The following MYO10 variants were observed in gnomAD, a reference collection of about 807,000 sequenced individuals.
MYO10 encodes myosin X.
In MYO10, 133 loss-of-function variants were observed where a neutral mutation model predicts 257.3. The ratio of observed to expected loss-of-function variants is 0.52; its 90% CI spans 0.45 to 0.60. The LOEUF is 0.60. Among genes scored for constraint, MYO10 ranks in the 20% least tolerant of loss-of-function variants. The pLI, the probability that MYO10 is intolerant of heterozygous loss-of-function variation, is 0.00. For missense variants in MYO10, 2,399 were observed against 2,635.7 expected (o/e 0.91, Z 1.97); for synonymous variants, 1,104 against 1,028.6 (o/e 1.07, Z -1.40).
chr5:16,664,417 C>CAAAG lies in MYO10; in HGVS notation c.*2271_*2274dup, dbSNP rs781395315. On this transcript the variant is annotated 3_prime_UTR_variant, in exon 41 of 41. Coordinates refer to ENST00000513610, the MANE Select transcript of MYO10 (RefSeq NM_012334.3). ...ATTCTTTCTGAGCCTAAAATAAAAACAAAGACAACACACATCCAAGTCTTT... is the reference window on the plus strand; with the variant it reads ...ATTCTTTCTGAGCCTAAAATAAAAACAAAGAAAGACAACACACATCCAAGTCTTT... 1 of 152,178 alleles carries CAAAG rather than the reference C, an allele frequency of 6.6e-6. No homozygotes were observed. Among genetic ancestry groups the CAAAG allele is most frequent in the East Asian group, 1.9e-4 (1 of 5,192 alleles). The allele number at this position is 152,178 out of a possible 1,614,324, so 9.4% of individuals were successfully genotyped here. A position where few individuals can be genotyped will look rare whatever the true frequency, so the allele number is the denominator to read the frequency against.
intron 1 of MYO10, among the ~76,000 whole-genome samples, chr5:16,893,757 C>A (rs527828813): frequency 0.035 from 5,362 of 151,576 alleles, 140 homozygotes; most frequent in African/African-American, 0.067. Flanking sequence ...CTGCTAAAAA[C>A]ATAAATAAAT....
chr5:16,880,819 A>G (rs1262202842), intron 1 of MYO10, among the ~76,000 whole-genome samples: 2 of 152,234 alleles, frequency 1.3e-5, no homozygotes, highest in Non-Finnish European at 2.9e-5. Context: ...CACTGACTTC[A>G]GGCATCTGCT....
chr5:16,715,356 AGACTACAG>A (rs1280437993), intron 19 of MYO10, among the ~76,000 whole-genome samples: 3 of 150,840 alleles, frequency 2.0e-5, no homozygotes, highest in Admixed American at 6.6e-5. Context: ...AGTCAACGAC[AGACTACAG>A]ATATGGCGAT....
At chr5:16,714,936 A>G (rs996130032) in intron 19 of MYO10, among the ~76,000 whole-genome samples, 2 of 152,220 alleles carry the variant, frequency 1.3e-5, no homozygotes, top group Non-Finnish European at 2.9e-5. Flanking sequence ...GCCAATGATA[A>G]TTTAGTTGCA....
intron 29 of MYO10, 54 bp from the exon 30 acceptor site, chr5:16,683,989 C>T: frequency 6.5e-7 from 1 of 1,529,010 alleles, no homozygotes; most frequent in Non-Finnish European, 9.0e-7. Context: ...GTAGGGTGCA[C>T]ACTACAGTAA....
chr5:16,759,740 A>G (rs1740643673), intron 17 of MYO10, among the ~76,000 whole-genome samples: 1 of 152,234 alleles, frequency 6.6e-6, no homozygotes, highest in African/African-American at 2.4e-5. Context: ...GTATCGCATT[A>G]AACTAAGAAA....
intron 19 of MYO10, chr5:16,741,922 T>C: frequency 1.0e-6 from 1 of 985,394 alleles, no homozygotes; most frequent in Non-Finnish European, 1.2e-6. Flanking sequence ...GGCTGGCTGG[T>C]GTTCCCAGCC....
intron 19 of MYO10, among the ~76,000 whole-genome samples, chr5:16,715,955 T>C (rs1002767411): frequency 4.0e-5 from 6 of 151,642 alleles, no homozygotes; most frequent in South Asian, 2.1e-4. Context: ...ACTTGGGAAG[T>C]TGAGGCAGGA....
intron 3 of MYO10, among the ~76,000 whole-genome samples, chr5:16,797,977 A>G (rs773570690): frequency 2.0e-5 from 3 of 152,276 alleles, no homozygotes; most frequent in Non-Finnish European, 4.4e-5. Flanking sequence ...CTCTGCTCTC[A>G]TAATGGATTA....
At chr5:16,923,478 G>A (rs1580155760) in intron 1 of MYO10, among the ~76,000 whole-genome samples, 2 of 151,640 alleles carry the variant, frequency 1.3e-5, no homozygotes, top group South Asian at 4.2e-4. Context: ...TAGTAGAGAT[G>A]GGGTTTCACT....
chr5:16,671,670 A>C (rs1736470823), intron 37 of MYO10, 128 bp from the exon 38 acceptor site: 1 of 1,179,356 alleles, frequency 8.5e-7, no homozygotes, highest in African/African-American at 1.5e-5. Context: ...AAAACAGTGG[A>C]TAGAGATGGG....
At chr5:16,848,155 C>CTTTTTTTTTTTTTTTTCCTTT (rs1554002457) in intron 2 of MYO10, among the ~76,000 whole-genome samples, 1 of 113,596 alleles carries the variant, frequency 8.8e-6, no homozygotes, top group Non-Finnish European at 1.7e-5. Context: ...CTACACATTT[C>CTTTTTTTTTTTTTTTTCCTTT]TTTTTTTTTT....
chr5:16,795,950 G>T (rs1741925736), intron 3 of MYO10, among the ~76,000 whole-genome samples: 1 of 151,996 alleles, frequency 6.6e-6, no homozygotes, highest in African/African-American at 2.4e-5. Context: ...AGCATTTTGG[G>T]GGGCCGAGGT....
In MYO10 at chr5:16,671,695, CAG is replaced by C. The variant is rs555577903; in HGVS notation, c.5310-155_5310-154del. Among the ~76,000 whole-genome samples, 25 of 152,244 alleles carry C rather than the reference CAG, an allele frequency of 1.6e-4. 1 individual carries two copies. The East Asian group carries it at 3.7e-3, about 22-fold the overall frequency. On this transcript the variant is annotated intron_variant, in intron 37 of 40. Coordinates refer to ENST00000513610, the MANE Select transcript of MYO10 (RefSeq NM_012334.3). ...ATAGAGATGGGGATAGAGGAATAAA[CAG>C]AGTGAAAAAACGTACTTTCATCCTG...
chr5:16,805,048 A>G (rs915401883), intron 3 of MYO10, among the ~76,000 whole-genome samples: 3 of 152,244 alleles, frequency 2.0e-5, no homozygotes, highest in African/African-American at 7.2e-5. Flanking sequence ...TATAGGCTAC[A>G]TGTGTAAGAG....
chr5:16,902,555 G>A (rs546233118), intron 1 of MYO10: 21 of 1,576,462 alleles, frequency 1.3e-5, no homozygotes, highest in African/African-American at 8.0e-5. Context: ...CCTTGGGCAC[G>A]CATCGGGCAC....
At chr5:16,921,164 C>T (rs537486022) in intron 1 of MYO10, among the ~76,000 whole-genome samples, 1 of 131,946 alleles carries the variant, frequency 7.6e-6, no homozygotes, top group African/African-American at 2.9e-5. Context: ...TAAACGTATA[C>T]CAGAATAACA....
chr5:16,863,410 G>C (rs1744158523), intron 2 of MYO10, among the ~76,000 whole-genome samples: 1 of 152,144 alleles, frequency 6.6e-6, no homozygotes, highest in Admixed American at 6.5e-5. Context: ...AGGCCCCAGA[G>C]ACCTCCTGGT....
At chr5:16,854,851 G>A (rs1743914180) in intron 2 of MYO10, among the ~76,000 whole-genome samples, 1 of 152,030 alleles carries the variant, frequency 6.6e-6, no homozygotes, top group African/African-American at 2.4e-5. Flanking sequence ...GGCTAACATG[G>A]TGAAACTCTA....
Sources: allele counts gnomAD v4.1 joint callset (sites outside exome capture counted in the v4.1 genomes callset), GRCh38; gene constraint gnomAD v4.1.1; transcripts MANE v1.5; gene names NCBI Gene and HGNC (gene_info 2026-07-23, HGNC 2026-07-21).